The following PIEZO2 variants were observed in gnomAD, a reference collection of about 807,000 sequenced individuals.
PIEZO2 encodes piezo type mechanosensitive ion channel component 2.
Under a neutral mutation model 337.3 loss-of-function variants are expected in PIEZO2, and 172 were observed. The observed-to-expected ratio is 0.51, with a 90% CI of 0.45 to 0.58. PIEZO2 has a LOEUF of 0.58. PIEZO2 is among the 20% of genes least tolerant of loss of function. The pLI is 0.00. For missense variants in PIEZO2, 3,028 were observed against 3,391.3 expected, an observed-to-expected ratio of 0.89 and a Z score of 2.66; for synonymous variants, 1,251 against 1,228.5, an observed-to-expected ratio of 1.02 and a Z score of -0.38.
At chr18:10,983,340 A>G (rs2034742196) in intron 2 of PIEZO2, among the ~76,000 whole-genome samples, 1 of 152,148 alleles carries the variant, frequency 6.6e-6, no homozygotes, top group Non-Finnish European at 1.5e-5. Context: ...GAGTAAAAAT[A>G]TTAAAGAGGA....
At chr18:10,702,618 T>C (rs56398450) in intron 42 of PIEZO2, among the ~76,000 whole-genome samples, 44,994 of 152,170 alleles carry the variant, frequency 0.3, 6,837 homozygotes, top group East Asian at 0.4. Flanking sequence ...AGGATGTATG[T>C]AGTTTTCACT....
In PIEZO2 at chr18:11,002,823, CAAT is replaced by C. The variant is rs1397266714; in HGVS notation, c.161-23166_161-23164del. Among the ~76,000 whole-genome samples the C allele has an allele frequency of 6.6e-6, 1 of 152,180 alleles. No individual in the cohort carries two copies. Among genetic ancestry groups the C allele is most frequent in the African/African-American group, 2.4e-5 (1 of 41,436 alleles). On this transcript the variant is annotated intron_variant, in intron 2 of 55. Coordinates refer to ENST00000674853, the MANE Select transcript of PIEZO2 (RefSeq NM_001378183.1). The surrounding 1 kb of genome is among the most constrained non-coding windows in gnomAD (Gnocchi z 4.3). ...TTGGATAATCCAATTTCAAGCACCCCAATAAAATGGCTTTTCTCACACATTTTC... is the reference window on the plus strand; with the variant it reads ...TTGGATAATCCAATTTCAAGCACCCCAAAATGGCTTTTCTCACACATTTTC...
intron 12 of PIEZO2, among the ~76,000 whole-genome samples, chr18:10,796,571 T>C (rs186954525): frequency 2.0e-5 from 3 of 152,264 alleles, no homozygotes; most frequent in African/African-American, 4.8e-5. Context: ...ACAAGCTAAT[T>C]TGGAAGAAAT....
intron 49 of PIEZO2, among the ~76,000 whole-genome samples, chr18:10,686,184 C>T (rs1186848570): frequency 3.9e-5 from 6 of 152,198 alleles, no homozygotes; most frequent in African/African-American, 1.4e-4. Context: ...TAAGTCCCTG[C>T]AGTTGGGTGT....
intron 7 of PIEZO2, among the ~76,000 whole-genome samples, chr18:10,827,607 A>G (rs1251664063): frequency 6.6e-6 from 1 of 152,172 alleles, no homozygotes; most frequent in Non-Finnish European, 1.5e-5. Flanking sequence ...CAGGCTTACA[A>G]AGACAGTTTT....
intron 1 of PIEZO2, among the ~76,000 whole-genome samples, chr18:11,141,060 A>G (rs891278789): frequency 3.3e-5 from 5 of 152,178 alleles, no homozygotes; most frequent in Admixed American, 1.3e-4. Context: ...GAGTTAACAT[A>G]CCCGCTCCAA....
At chr18:10,700,436 A>G (rs1055290771) in intron 43 of PIEZO2, among the ~76,000 whole-genome samples, 6 of 151,868 alleles carry the variant, frequency 4.0e-5, no homozygotes, top group Non-Finnish European at 7.4e-5. Flanking sequence ...AATTTTTAAC[A>G]TAATGCCATT....
chr18:10,931,936 T>C (rs1366005012), intron 3 of PIEZO2, among the ~76,000 whole-genome samples: 1 of 152,206 alleles, frequency 6.6e-6, no homozygotes, highest in Non-Finnish European at 1.5e-5. Flanking sequence ...GTTTCAATAA[T>C]GAATGACGCT....
In PIEZO2 at chr18:11,146,846, G is replaced by A. The variant is rs1407821855; in HGVS notation, c.64+1679C>T. ...CGGGATGGGGGATGGGGAAGAGGGTGTCCATCCTCCAGGAACAGTGGCGAG... is the reference window on the plus strand; with the variant it reads ...CGGGATGGGGGATGGGGAAGAGGGTATCCATCCTCCAGGAACAGTGGCGAG... On this transcript the variant is annotated intron_variant, in intron 1 of 55. Transcript: ENST00000674853. This position sits in a 1 kb window ranked among gnomAD's most constrained non-coding sequence, Gnocchi z 6.1. Among the ~76,000 whole-genome samples the A allele has an allele frequency of 6.6e-6, 1 of 152,178 alleles. No homozygotes were observed. The highest frequency in any genetic ancestry group is 1.5e-5 in the Non-Finnish European group (1 of 68,036).
intron 2 of PIEZO2, among the ~76,000 whole-genome samples, chr18:11,062,161 T>C (rs76196046): frequency 6.0e-4 from 89 of 149,266 alleles, no homozygotes; most frequent in South Asian, 1.1e-3. Context: ...AATGGGGAAA[T>C]GATTCCCTAT....
intron 1 of PIEZO2, among the ~76,000 whole-genome samples, chr18:11,100,752 C>T (rs1394729392): frequency 4.6e-5 from 7 of 152,226 alleles, no homozygotes; most frequent in South Asian, 4.1e-4. Flanking sequence ...CCCGCCACCA[C>T]GCCTGGCTAA....
chr18:10,980,624 A>G lies in PIEZO2; in HGVS notation c.161-964T>C, dbSNP rs2034628591. Among the ~76,000 whole-genome samples, 1 of 152,224 alleles carries G rather than the reference A, an allele frequency of 6.6e-6. No individual in the cohort carries two copies. The highest frequency in any genetic ancestry group is 1.5e-5 in the Non-Finnish European group (1 of 68,034). On this transcript the variant is annotated intron_variant, in intron 2 of 55. Coordinates refer to ENST00000674853, the MANE Select transcript of PIEZO2 (RefSeq NM_001378183.1). The surrounding 1 kb of genome is among the most constrained non-coding windows in gnomAD (Gnocchi z 4.8). ...GATTATATATCATCATCAACAGAGAACGCCAAACTAACTCCATGACCAACT... is the reference window on the plus strand; with the variant it reads ...GATTATATATCATCATCAACAGAGAGCGCCAAACTAACTCCATGACCAACT...
chr18:11,079,927 G>GC (rs2038679652), intron 1 of PIEZO2, among the ~76,000 whole-genome samples: 1 of 152,182 alleles, frequency 6.6e-6, no homozygotes, highest in South Asian at 2.1e-4. Flanking sequence ...TGTTCACAAT[G>GC]CAACAAGTAA....
rs761474240 is a variant in PIEZO2, at chr18:10,844,589, C to T, written c.917+10764G>A. 2.8e-4 allele frequency among the ~76,000 whole-genome samples: 42 copies of T among 151,898 alleles called. 1 individual carries two copies. Among genetic ancestry groups the T allele is most frequent in the Non-Finnish European group, 1.2e-4 (8 of 67,970 alleles). On this transcript the variant is annotated intron_variant, in intron 7 of 55. Transcript: ENST00000674853. Reference sequence around the variant, plus strand: ...GGATCACGAGGTCAGGAGATCCAGACCATCCTGGCTAACATGGTGAAACCC... The same window carrying T: ...GGATCACGAGGTCAGGAGATCCAGATCATCCTGGCTAACATGGTGAAACCC...
chr18:11,112,407 G>A lies in PIEZO2; in HGVS notation c.64+36118C>T, dbSNP rs1233356419. Among the ~76,000 whole-genome samples, 7 of 152,154 alleles carry A rather than the reference G, an allele frequency of 4.6e-5. No individual in the cohort carries two copies. The highest frequency in any genetic ancestry group is 4.6e-4 in the Admixed American group (7 of 15,270). On this transcript the variant is annotated intron_variant, in intron 1 of 55. Transcript: ENST00000674853. The surrounding 1 kb of genome is among the most constrained non-coding windows in gnomAD (Gnocchi z 4.3). Reference sequence around the variant, plus strand: ...AACCCTTCAACGCTTTAATTAAAGAGGCCTACAACATCAGAATCTAAGTGT... The same window carrying A: ...AACCCTTCAACGCTTTAATTAAAGAAGCCTACAACATCAGAATCTAAGTGT...
At position 11,148,309 on chromosome 18, in the gene PIEZO2, C is replaced by T. The variant is rs778238431; in HGVS notation, c.64+216G>A. 4.6e-5 allele frequency among the ~76,000 whole-genome samples: 7 copies of T among 152,180 alleles called. No homozygotes were observed. Among genetic ancestry groups the T allele is most frequent in the Non-Finnish European group, 1.0e-4 (7 of 68,034 alleles). ...ACATAAACAGTTTCCAGCACATGCC[C>T]GTCCCGAGCATCCTGTTAAGAGATA... On this transcript the variant is annotated intron_variant, in intron 1 of 55. Transcript: ENST00000674853. The surrounding 1 kb of genome is among the most constrained non-coding windows in gnomAD (Gnocchi z 5.2).
In PIEZO2 at chr18:11,110,143, A is replaced by G. The variant is rs940406683; in HGVS notation, c.64+38382T>C. 2.6e-5 allele frequency among the ~76,000 whole-genome samples: 4 copies of G among 152,114 alleles called. No individual in the cohort carries two copies. The highest frequency in any genetic ancestry group is 9.7e-5 in the African/African-American group (4 of 41,398). ...CTTTTCTTTTTAAAATTCTTATTTA[A>G]AGACAGCATCTTACTCTATCACCCA... On this transcript the variant is annotated intron_variant, in intron 1 of 55. Transcript: ENST00000674853. This position sits in a 1 kb window ranked among gnomAD's most constrained non-coding sequence, Gnocchi z 4.2.
At position 11,125,850 on chromosome 18, in the gene PIEZO2, A is replaced by G. The variant is rs747796531; in HGVS notation, c.64+22675T>C. On this transcript the variant is annotated intron_variant, in intron 1 of 55. Transcript: ENST00000674853. This position sits in a 1 kb window ranked among gnomAD's most constrained non-coding sequence, Gnocchi z 4.4. ...TATGAAGTGGCTGAGTGAGTCTGAG[A>G]TAAGATAGGGCAAGAGAAATACACA... 6.6e-6 allele frequency among the ~76,000 whole-genome samples: 1 copy of G among 152,182 alleles called. No individual in the cohort carries two copies. Among genetic ancestry groups the G allele is most frequent in the Non-Finnish European group, 1.5e-5 (1 of 68,028 alleles).
At position 10,748,901 on chromosome 18, in the gene PIEZO2, C is replaced by T. The variant is rs1359611894; in HGVS notation, c.4265-271G>A. The stretch of plus-strand genomic sequence containing the variant: ...TACGTGGGAGGCCTCTTGAGTATTT[C>T]TCTCTCTTAGGAAGAAAGGGACCTC... On this transcript the variant is annotated intron_variant, in intron 29 of 55. Coordinates refer to ENST00000674853, the MANE Select transcript of PIEZO2 (RefSeq NM_001378183.1). This position sits in a 1 kb window ranked among gnomAD's most constrained non-coding sequence, Gnocchi z 5.1. Among the ~76,000 whole-genome samples, 2 of 152,132 alleles carry T rather than the reference C, an allele frequency of 1.3e-5. No individual in the cohort carries two copies. Among genetic ancestry groups the T allele is most frequent in the Non-Finnish European group, 2.9e-5 (2 of 68,022 alleles).
Sources: allele counts gnomAD v4.1 joint callset (sites outside exome capture counted in the v4.1 genomes callset), GRCh38; gene constraint gnomAD v4.1.1; non-coding constraint Gnocchi (gnomAD v3.1); transcripts MANE v1.5; gene names NCBI Gene and HGNC (gene_info 2026-07-23, HGNC 2026-07-21).